CALN1: variants seen among roughly 807,000 people sequenced by gnomAD.
CALN1 encodes calcium-binding protein 8.
A neutral mutation model predicts 30.6 loss-of-function variants in CALN1; 17 were observed. The observed-to-expected ratio is 0.56, with a 90% CI of 0.38 to 0.83. The LOEUF (loss-of-function observed/expected upper bound fraction) is 0.83. Ranked by LOEUF, CALN1 falls within the 40% of genes least tolerant of loss-of-function variation. The pLI is 0.00. For synonymous variants in CALN1, 156 were observed against 131.4 expected (o/e 1.19, Z -1.28); for missense variants, 291 against 354.9 (o/e 0.82, Z 1.45).
rs1794427202 is a variant in CALN1, at chr7:72,235,661, T to C, written c.244+43025A>G. Among the ~76,000 whole-genome samples, 5 of 151,888 alleles carry C rather than the reference T, an allele frequency of 3.3e-5. No individual in the cohort carries two copies. The South Asian group carries it at 1.0e-3, about 32-fold the overall frequency. ...CATTTCTAAACATGTGGGAAAACTC[T>C]CCAGCATCCCCCACCCCCGCCCCCC... On this transcript the variant is annotated intron_variant, in intron 3 of 6. Transcript: ENST00000395275.
intron 3 of CALN1, among the ~76,000 whole-genome samples, chr7:72,151,373 T>C (rs942923628): frequency 3.3e-5 from 5 of 152,154 alleles, no homozygotes; most frequent in African/African-American, 4.8e-5. Flanking sequence ...TTTCCCCTTT[T>C]ATAAGGACAC....
intron 5 of CALN1, among the ~76,000 whole-genome samples, chr7:71,830,936 T>C (rs1789239058): frequency 6.6e-6 from 1 of 152,212 alleles, no homozygotes. Flanking sequence ...TAAGAACTCA[T>C]TGACACCCTG....
chr7:72,265,820 T>A (rs1379657851), intron 3 of CALN1, among the ~76,000 whole-genome samples: 1 of 151,990 alleles, frequency 6.6e-6, no homozygotes, highest in East Asian at 1.9e-4. Context: ...AGTATTTAGA[T>A]CACCTGTTGG....
intron 2 of CALN1, among the ~76,000 whole-genome samples, chr7:72,336,454 A>AGGG (rs2129558503): frequency 6.6e-6 from 1 of 151,878 alleles, no homozygotes; most frequent in South Asian, 2.1e-4. Flanking sequence ...CCACGTCCCC[A>AGGG]GGCAGGCGGC....
chr7:72,061,257 A>G (rs540605254), intron 4 of CALN1, among the ~76,000 whole-genome samples: 1 of 152,358 alleles, frequency 6.6e-6, no homozygotes, highest in South Asian at 2.1e-4. Context: ...CATATGAAGA[A>G]GCAGGAAAAT....
intron 5 of CALN1, among the ~76,000 whole-genome samples, chr7:71,873,690 G>T (rs1792080056): frequency 6.6e-6 from 1 of 152,230 alleles, no homozygotes; most frequent in Non-Finnish European, 1.5e-5. Context: ...TACGTGGGCA[G>T]AATCTTGGGG....
chr7:72,161,842 G>C (rs893546929), intron 3 of CALN1, among the ~76,000 whole-genome samples: 1 of 151,860 alleles, frequency 6.6e-6, no homozygotes, highest in Non-Finnish European at 1.5e-5. Flanking sequence ...TCTAGGTGCA[G>C]CAAACCACCA....
Position 72,405,558 on chromosome 7 carries a change from G to A in CALN1, c.-73-2116C>T, listed in dbSNP as rs9638657. On this transcript the variant is annotated intron_variant, in intron 1 of 6. Coordinates refer to ENST00000395275, the MANE Select transcript of CALN1 (RefSeq NM_031468.4). ...ACTCTGTCCCCAGCAGCACACACCC[G>A]TACGCCGCTCTCTTACACATGCCTA... Among the ~76,000 whole-genome samples, 17 of 152,030 alleles carry A rather than the reference G, an allele frequency of 1.1e-4. No homozygotes were observed. The East Asian group carries it at 2.5e-3, about 23-fold the overall frequency.
At chr7:72,062,699 T>G (rs538230091) in intron 4 of CALN1, among the ~76,000 whole-genome samples, 40 of 152,252 alleles carry the variant, frequency 2.6e-4, no homozygotes, top group Non-Finnish European at 5.4e-4. Flanking sequence ...CAATGTAGGT[T>G]GATATAACAT....
chr7:72,072,237 A>T (rs1344528027), intron 4 of CALN1, among the ~76,000 whole-genome samples: 12 of 152,186 alleles, frequency 7.9e-5, no homozygotes, highest in Non-Finnish European at 5.9e-5. Context: ...CAAACTTTCA[A>T]AAGACAAAGA....
At chr7:71,814,061 G>A (rs1003980377) in intron 5 of CALN1, among the ~76,000 whole-genome samples, 1 of 152,106 alleles carries the variant, frequency 6.6e-6, no homozygotes, top group Non-Finnish European at 1.5e-5. Context: ...AAGAATAGTG[G>A]AAAAGGACAG....
chr7:71,989,958 T>C (rs1326413197), intron 5 of CALN1, among the ~76,000 whole-genome samples: 1 of 152,006 alleles, frequency 6.6e-6, no homozygotes, highest in Admixed American at 6.6e-5. Flanking sequence ...ACGTTGTAGG[T>C]TGTGTAGGCT....
At chr7:71,986,787 T>C (rs1252961247) in intron 5 of CALN1, among the ~76,000 whole-genome samples, 1 of 152,232 alleles carries the variant, frequency 6.6e-6, no homozygotes, top group African/African-American at 2.4e-5. Flanking sequence ...TGGTGTTTCC[T>C]ATATTTGCTC....
chr7:71,824,376 C>T (rs1037677519), intron 5 of CALN1, among the ~76,000 whole-genome samples: 3 of 152,062 alleles, frequency 2.0e-5, no homozygotes, highest in Admixed American at 6.6e-5. Context: ...GCTTCTCTAC[C>T]GTGTTGCATG....
At chr7:72,410,584 G>C (rs144909923) in intron 1 of CALN1, among the ~76,000 whole-genome samples, 174 of 152,268 alleles carry the variant, frequency 1.1e-3, no homozygotes, top group Admixed American at 3.4e-3. Flanking sequence ...CAATTCTTCT[G>C]CAAGTGAGAC....
intron 4 of CALN1, among the ~76,000 whole-genome samples, chr7:72,083,250 G>T (rs1453598278): frequency 1.3e-5 from 2 of 152,154 alleles, no homozygotes; most frequent in African/African-American, 2.4e-5. Flanking sequence ...AAATTTCACA[G>T]AAGCAGACTT....
intron 5 of CALN1, among the ~76,000 whole-genome samples, chr7:71,908,043 T>C (rs1186881452): frequency 6.6e-6 from 1 of 152,214 alleles, no homozygotes; most frequent in Non-Finnish European, 1.5e-5. Context: ...AGGTCTAGCT[T>C]TCGGGTTATT....
chr7:71,835,009 A>T (rs1344575211), intron 5 of CALN1, among the ~76,000 whole-genome samples: 1 of 152,082 alleles, frequency 6.6e-6, no homozygotes, highest in Non-Finnish European at 1.5e-5. Flanking sequence ...TTTTAAAAAA[A>T]ATTTTCATAG....
chr7:71,967,307 T>C (rs558563669), intron 5 of CALN1, among the ~76,000 whole-genome samples: 15 of 152,122 alleles, frequency 9.9e-5, no homozygotes, highest in Admixed American at 3.3e-4. Flanking sequence ...AGATATAATA[T>C]GGCAGAAAAT....
Sources: allele counts gnomAD v4.1 joint callset (sites outside exome capture counted in the v4.1 genomes callset), GRCh38; gene constraint gnomAD v4.1.1; transcripts MANE v1.5; gene names NCBI Gene and HGNC (gene_info 2026-07-23, HGNC 2026-07-21).